The following PTPRT variants were observed in gnomAD, a reference collection of about 807,000 sequenced individuals.
The protein encoded by PTPRT is protein tyrosine phosphatase receptor type T.
A neutral mutation model predicts 176.8 loss-of-function variants in PTPRT; 56 were observed. The observed-to-expected ratio is 0.32, with a 90% CI of 0.26 to 0.40. The LOEUF (loss-of-function observed/expected upper bound fraction) is 0.40. Among genes scored for constraint, PTPRT ranks in the 10% least tolerant of loss-of-function variants. The pLI is 1.00. For missense variants in PTPRT, 1,540 were observed against 1,908.2 expected, an observed-to-expected ratio of 0.81 and a Z score of 3.60; for synonymous variants, 783 against 739.0, an observed-to-expected ratio of 1.06 and a Z score of -0.96.
intron 4 of PTPRT, among the ~76,000 whole-genome samples, chr20:42,777,079 C>T (rs2077148189): frequency 6.6e-6 from 1 of 152,052 alleles, no homozygotes; most frequent in Admixed American, 6.6e-5. Context: ...GGGCCACCAC[C>T]ACCTCTTGCA....
chr20:42,048,167 C>T, the PTPRT span, among the ~76,000 whole-genome samples: 2 of 152,188 alleles, frequency 1.3e-5, no homozygotes, highest in Non-Finnish European at 2.9e-5. Flanking sequence ...AAGGATGAAT[C>T]CCTGACCAGT....
rs62203541 is a variant in PTPRT, at chr20:42,460,540, A to G, written c.1450+11726T>C. Among the ~76,000 whole-genome samples, 1,330 of 152,184 alleles carry G rather than the reference A, an allele frequency of 8.7e-3. 11 individuals carry two copies. Among genetic ancestry groups the G allele is most frequent in the Middle Eastern group, 0.014 (4 of 294 alleles). ...TGGGATGTGATATGGTTTGGCTGTGACCCCACCCAAAATCTCATCTTGAAT... is the reference window on the plus strand; with the variant it reads ...TGGGATGTGATATGGTTTGGCTGTGGCCCCACCCAAAATCTCATCTTGAAT... On this transcript the variant is annotated intron_variant, in intron 8 of 30. Coordinates refer to ENST00000373187, the MANE Select transcript of PTPRT (RefSeq NM_007050.6).
chr20:42,186,596 T>C (rs935313917), intron 16 of PTPRT, among the ~76,000 whole-genome samples: 1 of 152,036 alleles, frequency 6.6e-6, no homozygotes, highest in Non-Finnish European at 1.5e-5. Context: ...GGACAAGACC[T>C]GTATGTGAAG....
chr20:42,206,739 T>C (rs2055477262), intron 15 of PTPRT, among the ~76,000 whole-genome samples: 1 of 152,160 alleles, frequency 6.6e-6, no homozygotes, highest in Admixed American at 6.5e-5. Flanking sequence ...CTTGCTTAGA[T>C]AAACAAAGCA....
At position 42,166,136 on chromosome 20, in the gene PTPRT, A is replaced by T. The variant is rs1400647073; in HGVS notation, c.2492-4594T>A. 2.0e-5 allele frequency among the ~76,000 whole-genome samples: 3 copies of T among 152,240 alleles called. No individual in the cohort carries two copies. In the East Asian group the frequency reaches 5.8e-4, roughly 29 times the overall value. Reference sequence around the variant, plus strand: ...AACAGACACTGGTAAATGGTAGGCTAATGTATGGGACAATGCAGGTGCACA... The same window carrying T: ...AACAGACACTGGTAAATGGTAGGCTTATGTATGGGACAATGCAGGTGCACA... On this transcript the variant is annotated intron_variant, in intron 16 of 30. Coordinates refer to ENST00000373187, the MANE Select transcript of PTPRT (RefSeq NM_007050.6).
At chr20:42,263,614 C>T (rs2056790755) in intron 13 of PTPRT, among the ~76,000 whole-genome samples, 1 of 151,084 alleles carries the variant, frequency 6.6e-6, no homozygotes, top group Non-Finnish European at 1.5e-5. Context: ...CTCCTGACCT[C>T]ATGATCCGCC....
chr20:42,994,522 T>C (rs1006810652), intron 1 of PTPRT, among the ~76,000 whole-genome samples: 8 of 152,076 alleles, frequency 5.3e-5, no homozygotes, highest in African/African-American at 1.9e-4. Context: ...AACAATACAA[T>C]TTTTTGTTAT....
At chr20:42,454,408 A>T (rs990818401) in intron 8 of PTPRT, among the ~76,000 whole-genome samples, 5 of 152,206 alleles carry the variant, frequency 3.3e-5, no homozygotes, top group Non-Finnish European at 7.3e-5. Context: ...TTGTTTTTAC[A>T]GTGTAATGCC....
intron 15 of PTPRT, 61 bp from the exon 16 acceptor site, chr20:42,199,449 T>C (rs1991363741): frequency 3.2e-6 from 5 of 1,549,202 alleles, no homozygotes; most frequent in Admixed American, 3.8e-5. Flanking sequence ...CATTAAAGCA[T>C]TGGGTAGATT....
intron 11 of PTPRT, among the ~76,000 whole-genome samples, chr20:42,340,323 A>C (rs1041170842): frequency 6.6e-6 from 1 of 152,196 alleles, no homozygotes; most frequent in Non-Finnish European, 1.5e-5. Flanking sequence ...ATGAATACTT[A>C]TATGTTTATA....
At chr20:42,274,905 A>G (rs1281025533) in intron 13 of PTPRT, among the ~76,000 whole-genome samples, 2 of 152,194 alleles carry the variant, frequency 1.3e-5, no homozygotes, top group African/African-American at 4.8e-5. Flanking sequence ...GAAAAGAGGC[A>G]TGGGAAGAGG....
At chr20:42,823,978 T>C (rs1411068743) in intron 2 of PTPRT, among the ~76,000 whole-genome samples, 1 of 151,930 alleles carries the variant, frequency 6.6e-6, no homozygotes, top group African/African-American at 2.4e-5. Context: ...CTTTCTTATA[T>C]AGCATCAATA....
In PTPRT at chr20:42,098,427, A is replaced by C; in HGVS notation, c.3840T>G (p.Thr1280=). The change falls in exon 27 of 31, where the codon ACT becomes ACG. Residue 1280 remains threonine (T), a synonymous_variant. Transcript: ENST00000373187. ...TGGCTTGGCCTCCTCCTACCTGGGC[A>C]GTGTCCATCTCATTCAGCATCACCA... The part of the protein sequence containing the change: ...SSVVMLNEMD[T]AQFCMQYWPE... 6.2e-7 allele frequency: 1 copy of C among 1,614,114 alleles called. No individual in the cohort carries two copies. Among genetic ancestry groups the C allele is most frequent in the Non-Finnish European group, 8.5e-7 (1 of 1,179,994 alleles).
At chr20:42,993,350 A>G (rs1447732946) in intron 1 of PTPRT, among the ~76,000 whole-genome samples, 1 of 148,644 alleles carries the variant, frequency 6.7e-6, no homozygotes, top group East Asian at 2.0e-4. Flanking sequence ...CCTGGGAGGC[A>G]GAGCTTGCAG....
chr20:43,039,799 A>T (rs1191634412), intron 1 of PTPRT, among the ~76,000 whole-genome samples: 1 of 152,144 alleles, frequency 6.6e-6, no homozygotes, highest in African/African-American at 2.4e-5. Context: ...CCAGCACTTC[A>T]GTAGGCTAAG....
intron 1 of PTPRT, among the ~76,000 whole-genome samples, chr20:42,956,607 C>T (rs1981659559): frequency 6.6e-6 from 1 of 151,962 alleles, no homozygotes; most frequent in South Asian, 2.1e-4. Flanking sequence ...AAATAAATTA[C>T]CCAGCCTCAG....
chr20:42,472,210 C>T, intron 8 of PTPRT, 56 bp downstream of exon 8: 1 of 1,550,584 alleles, frequency 6.4e-7, no homozygotes, highest in Non-Finnish European at 8.8e-7. Context: ...ACTGCCATGG[C>T]CCTGTGAATA....
chr20:42,360,000 G>A (rs2058411502), intron 9 of PTPRT, among the ~76,000 whole-genome samples: 1 of 152,194 alleles, frequency 6.6e-6, no homozygotes, highest in Non-Finnish European at 1.5e-5. Context: ...TCAATGCCCT[G>A]CTCTCTGACT....
intron 2 of PTPRT, among the ~76,000 whole-genome samples, chr20:42,876,349 TA>T (rs2078930707): frequency 6.6e-6 from 1 of 152,106 alleles, no homozygotes; most frequent in African/African-American, 2.4e-5. Flanking sequence ...AGCCTCACAT[TA>T]AAGGAAGAGT....
Sources: gnomAD v4.1 joint callset for allele counts (sites outside exome capture counted in the v4.1 genomes callset) on GRCh38, gnomAD v4.1.1 for gene constraint, MANE v1.5 for transcripts, NCBI Gene and HGNC (gene_info 2026-07-23, HGNC 2026-07-21) for gene names.